The following USP39 variants were observed in gnomAD, a reference collection of about 807,000 sequenced individuals.
The protein encoded by USP39 is ubiquitin specific peptidase 39.
A neutral mutation model predicts 66.4 loss-of-function variants in USP39; 38 were observed. The observed-to-expected ratio is 0.57, with a 90% CI of 0.44 to 0.75. The LOEUF is 0.75. USP39 is among the 30% of genes least tolerant of loss of function. The pLI, the probability that USP39 is intolerant of heterozygous loss-of-function variation, is 0.00. For synonymous variants in USP39, 303 were observed against 274.6 expected (o/e 1.10, Z -1.02); for missense variants, 608 against 714.4 (o/e 0.85, Z 1.70).
chr2:85,639,150 G>T, intron 8 of USP39, 53 bp from the exon 9 acceptor site: 1 of 1,542,162 alleles, frequency 6.5e-7, no homozygotes, highest in Non-Finnish European at 8.8e-7. Flanking sequence ...TTCTGTGTTG[G>T]TTCCTATACC....
chr2:85,612,021 G>T (rs537111251), upstream of USP39: 20 of 1,418,646 alleles, frequency 1.4e-5, no homozygotes, highest in African/African-American at 7.4e-5. Context: ...CCGCCTCGAC[G>T]GCCCCAACAA....
chr2:85,611,275 T>C, upstream of USP39: 6 of 1,409,012 alleles, frequency 4.3e-6, no homozygotes, highest in Non-Finnish European at 4.6e-6. Flanking sequence ...TATTAACCAG[T>C]GTGATCTCTA....
chr2:85,641,244 T>C, intron 10 of USP39, 126 bp downstream of exon 10: 1 of 1,134,460 alleles, frequency 8.8e-7, no homozygotes, highest in Non-Finnish European at 1.3e-6. Flanking sequence ...CTACCTACAG[T>C]AGATAAGAGT....
chr2:85,616,295 C>T lies in USP39; in HGVS notation c.100C>T (p.Arg34Trp), dbSNP rs779642637. 18 of 1,566,490 alleles carry T rather than the reference C, an allele frequency of 1.1e-5. No homozygotes were observed. Among genetic ancestry groups the T allele is most frequent in the Non-Finnish European group, 1.6e-5 (18 of 1,153,738 alleles). Residue 34 changes from arginine (R) to tryptophan (W), a missense_variant, in exon 1 of 13, where the codon CGG (arginine) becomes TGG (tryptophan). Coordinates refer to ENST00000323701, the MANE Select transcript of USP39 (RefSeq NM_006590.4). ...SSGRVKRERD[R>W]EREPEAASSR... is the part of the protein sequence containing the mutation. ...CGGTCGCGTCAAGCGGGAGCGAGAT[C>T]GGGAGCGGGAGCCTGAGGCGGCGAG...
intron 8 of USP39, among the ~76,000 whole-genome samples, chr2:85,638,171 G>A (rs951174501): frequency 1.1e-4 from 17 of 151,788 alleles, no homozygotes; most frequent in East Asian, 3.9e-4. Flanking sequence ...ACAGGCATGC[G>A]CCACTATGCC....
chr2:85,648,539 CAA>C (rs1021733821), intron 12 of USP39, among the ~76,000 whole-genome samples: 1 of 152,180 alleles, frequency 6.6e-6, no homozygotes, highest in African/African-American at 2.4e-5. Context: ...AAGATTGAGA[CAA>C]AAGCCATAGC....
At chr2:85,614,024 C>T (rs1055303651), upstream of USP39, among the ~76,000 whole-genome samples, 1 of 151,968 alleles carries the variant, frequency 6.6e-6, no homozygotes, top group African/African-American at 2.4e-5. Context: ...TGCCTCAGGC[C>T]TCCCAAAGTG....
chr2:85,642,612 C>T (rs575489530), intron 10 of USP39, among the ~76,000 whole-genome samples: 2 of 152,342 alleles, frequency 1.3e-5, no homozygotes, highest in East Asian at 3.9e-4. Context: ...TGTTTCTTAA[C>T]TACGCAGTCT....
chr2:85,649,064 AG>A lies in USP39; in HGVS notation c.*259del. The A allele has an allele frequency of 2.0e-6, 1 of 504,860 alleles. No homozygotes were observed. The highest frequency in any genetic ancestry group is 3.5e-6 in the Non-Finnish European group (1 of 281,932). The allele number at this position is 504,860 out of a possible 1,614,324, so 31.3% of individuals were successfully genotyped here. A position where few individuals can be genotyped will look rare whatever the true frequency, so the allele number is the denominator to read the frequency against. Reference sequence around the variant, plus strand: ...CATTGAGCTCCCATCTAGCTTCAGCAGGGCAGAACCCTTCTCCAGATGTGTG... The same window carrying A: ...CATTGAGCTCCCATCTAGCTTCAGCAGGCAGAACCCTTCTCCAGATGTGTG... On this transcript the variant is annotated 3_prime_UTR_variant, in exon 13 of 13. Coordinates refer to ENST00000323701, the MANE Select transcript of USP39 (RefSeq NM_006590.4).
At chr2:85,634,540 C>T (rs1675613438) in intron 6 of USP39, among the ~76,000 whole-genome samples, 1 of 152,212 alleles carries the variant, frequency 6.6e-6, no homozygotes, top group African/African-American at 2.4e-5. Flanking sequence ...CATCACTGCA[C>T]TCCAGCCTGG....
intron 11 of USP39, 136 bp from the exon 12 acceptor site, chr2:85,647,794 C>T: frequency 1.5e-6 from 1 of 672,250 alleles, no homozygotes; most frequent in African/African-American, 1.8e-5. Context: ...GTCATGTACC[C>T]TCTTCTTTAT....
upstream of USP39, chr2:85,611,342 T>C (rs1394996658): frequency 2.8e-6 from 4 of 1,439,194 alleles, no homozygotes; most frequent in Non-Finnish European, 3.6e-6. Flanking sequence ...AATTATGTGC[T>C]GGTCGCTCAT....
chr2:85,616,548 T>C, intron 1 of USP39, 85 bp downstream of exon 1: 1 of 230,952 alleles, frequency 4.3e-6, no homozygotes, highest in Non-Finnish European at 6.7e-6. Context: ...GCTAGGTCAC[T>C]GCGCCGGAGT....
intron 4 of USP39, among the ~76,000 whole-genome samples, chr2:85,624,328 G>A (rs1233619158): frequency 6.6e-6 from 1 of 151,928 alleles, no homozygotes; most frequent in Non-Finnish European, 1.5e-5. Context: ...TATTCATGGT[G>A]CCATGTGCTC....
intron 1 of USP39, among the ~76,000 whole-genome samples, chr2:85,618,542 A>G (rs1674186018): frequency 6.7e-6 from 1 of 149,598 alleles, no homozygotes; most frequent in South Asian, 2.1e-4. Context: ...AGCCTGGGGG[A>G]CAGAGCGAGA....
At chr2:85,634,407 C>T (rs1225997262) in intron 6 of USP39, among the ~76,000 whole-genome samples, 8 of 151,944 alleles carry the variant, frequency 5.3e-5, no homozygotes, top group African/African-American at 1.7e-4. Flanking sequence ...GACTCCCTCT[C>T]GACAAAAAAT....
intron 5 of USP39, 35 bp downstream of exon 5, chr2:85,625,726 G>T: frequency 6.2e-7 from 1 of 1,602,912 alleles, no homozygotes; most frequent in South Asian, 1.1e-5. Context: ...GGAAGAGAAG[G>T]ACACCCAGAA....
At chr2:85,611,627 A>C (rs780178936), upstream of USP39, 1 of 1,562,584 alleles carries the variant, frequency 6.4e-7, no homozygotes, top group South Asian at 1.2e-5. Context: ...CGTTGCAGGA[A>C]GAGCGCGCGG....
At chr2:85,628,659 ATAT>A (rs1286524893) in intron 5 of USP39, among the ~76,000 whole-genome samples, 1 of 152,164 alleles carries the variant, frequency 6.6e-6, no homozygotes. Context: ...AGGATGACCA[ATAT>A]TATTTATATT....
Sources: gnomAD v4.1 joint callset for allele counts (sites outside exome capture counted in the v4.1 genomes callset) on GRCh38, gnomAD v4.1.1 for gene constraint, MANE v1.5 for transcripts, NCBI Gene and HGNC (gene_info 2026-07-23, HGNC 2026-07-21) for gene names.